HNRNPM: variants seen among roughly 807,000 people sequenced by gnomAD.
HNRNPM encodes the protein CEA receptor.
HNRNPM carries 11 observed loss-of-function variants against 73.1 expected under a neutral mutation model. The ratio of observed to expected loss-of-function variants is 0.15; its 90% CI spans 0.09 to 0.25. HNRNPM has a LOEUF of 0.25. Among genes scored for constraint, HNRNPM ranks in the 10% least tolerant of loss-of-function variants. HNRNPM has a pLI of 1.00. For synonymous variants in HNRNPM, 407 were observed against 355.2 expected (o/e 1.15, Z -1.64); for missense variants, 789 against 1,067.9 (o/e 0.74, Z 3.64).
At chr19:8,486,595 C>G (rs1047083818) in intron 14 of HNRNPM, among the ~76,000 whole-genome samples, 190 bp downstream of exon 14, 2 of 152,186 alleles carry the variant, frequency 1.3e-5, no homozygotes, top group Non-Finnish European at 2.9e-5. Flanking sequence ...AGAGCCTGGG[C>G]TTCTCCACTG....
rs1969469510 is a variant in HNRNPM, at chr19:8,462,441, A to G, written c.284-88A>G. The G allele has an allele frequency of 8.9e-7, 1 of 1,122,286 alleles. No individual in the cohort carries two copies. The highest frequency in any genetic ancestry group is 1.4e-6 in the Non-Finnish European group (1 of 732,010). 69.5% of individuals were successfully genotyped at this position (1,122,286 alleles called of 1,614,324 possible). On this transcript the variant is annotated intron_variant, in intron 2 of 15. Coordinates refer to ENST00000325495, the MANE Select transcript of HNRNPM (RefSeq NM_005968.5). This position sits in a 1 kb window ranked among gnomAD's most constrained non-coding sequence, Gnocchi z 4.5. ...CTTTCTTATAAGGCAGAGGCTCCAT[A>G]CAAGGTTGCTGATGATTGTTCTAAA...
At chr19:8,475,339 C>CT (rs1970425236) in intron 12 of HNRNPM, among the ~76,000 whole-genome samples, 1 of 152,254 alleles carries the variant, frequency 6.6e-6, no homozygotes, top group Non-Finnish European at 1.5e-5. Flanking sequence ...TTTTGAAATC[C>CT]TTTATGTGTT....
chr19:8,467,645 AAG>A (rs1255709491), intron 8 of HNRNPM, 61 bp downstream of exon 8: 23 of 1,172,090 alleles, frequency 2.0e-5, no homozygotes, highest in Non-Finnish European at 2.8e-5. Context: ...TGGAATTAAT[AAG>A]AGTGTACATA....
chr19:8,473,239 T>C lies in HNRNPM; in HGVS notation c.998-425T>C, dbSNP rs116886799. Among the ~76,000 whole-genome samples, 1,144 of 151,974 alleles carry C rather than the reference T, an allele frequency of 7.5e-3. 100 individuals carry two copies. In the East Asian group the frequency reaches 0.2, roughly 26 times the overall value. The stretch of plus-strand genomic sequence containing the variant: ...GCCCCAGTGACAGAAGGAGACCCTG[T>C]CTCAAAAACAAAAAAAACACAAAAA... On this transcript the variant is annotated intron_variant, in intron 10 of 15. Coordinates refer to ENST00000325495, the MANE Select transcript of HNRNPM (RefSeq NM_005968.5).
chr19:8,463,066 G>A (rs1189727469), intron 3 of HNRNPM, among the ~76,000 whole-genome samples: 1 of 152,144 alleles, frequency 6.6e-6, no homozygotes, highest in Non-Finnish European at 1.5e-5. Flanking sequence ...AGTTTAAAGA[G>A]AACATAAACT....
In HNRNPM at chr19:8,466,890, A is replaced by T. The variant is rs536369278; in HGVS notation, c.784+502A>T. 1.5e-3 allele frequency among the ~76,000 whole-genome samples: 222 copies of T among 147,456 alleles called. 2 individuals carry two copies. Among genetic ancestry groups the T allele is most frequent in the Middle Eastern group, 0.011 (3 of 282 alleles). On this transcript the variant is annotated intron_variant, in intron 7 of 15. Coordinates refer to ENST00000325495, the MANE Select transcript of HNRNPM (RefSeq NM_005968.5). ...GTGGAATTGATTCAATACAGTGTGG[A>T]TAGAGGGGATGGTTACAACATGGGC...
intron 5 of HNRNPM, among the ~76,000 whole-genome samples, chr19:8,464,748 A>T (rs1568274700): frequency 6.6e-6 from 1 of 152,150 alleles, no homozygotes; most frequent in Non-Finnish European, 1.5e-5. Flanking sequence ...TGTCTTTTTT[A>T]GTGCTGATGG....
Position 8,448,582 on chromosome 19 carries a change from A to G in HNRNPM, c.113+3471A>G, listed in dbSNP as rs865893345. Among the ~76,000 whole-genome samples, 7 of 150,276 alleles carry G rather than the reference A, an allele frequency of 4.7e-5. No individual in the cohort carries two copies. In the Middle Eastern group the frequency reaches 0.01, roughly 225 times the overall value. ...GTGAACCGCTTCCCGGGTTCACGCC[A>G]TTCTCCTGCCTCAGCCTCACGAGTA... is the stretch of plus-strand genomic sequence containing the variant. On this transcript the variant is annotated intron_variant, in intron 1 of 15. Transcript: ENST00000325495.
chr19:8,448,296 G>A (rs1288786182), intron 1 of HNRNPM, among the ~76,000 whole-genome samples: 1 of 152,098 alleles, frequency 6.6e-6, no homozygotes, highest in Admixed American at 6.5e-5. Flanking sequence ...TGTGAGAATA[G>A]GATTTGCTTA....
chr19:8,462,019 C>T lies in HNRNPM; in HGVS notation c.284-510C>T, dbSNP rs182343756. The T allele has an allele frequency of 6.8e-4, 106 of 155,512 alleles. No individual in the cohort carries two copies. Among genetic ancestry groups the T allele is most frequent in the Non-Finnish European group, 3.7e-4 (26 of 69,740 alleles). The allele number at this position is 155,512 out of a possible 1,614,324, so 9.6% of individuals were successfully genotyped here. A position where few individuals can be genotyped will look rare whatever the true frequency, so the allele number is the denominator to read the frequency against. On this transcript the variant is annotated intron_variant, in intron 2 of 15. Coordinates refer to ENST00000325495, the MANE Select transcript of HNRNPM (RefSeq NM_005968.5). This position sits in a 1 kb window ranked among gnomAD's most constrained non-coding sequence, Gnocchi z 4.5. ...GAGTGCGGGGCTCTGTACAATTGCACGAGTTGCTCACCTGTGAAGCTGGCC... is the reference window on the plus strand; with the variant it reads ...GAGTGCGGGGCTCTGTACAATTGCATGAGTTGCTCACCTGTGAAGCTGGCC...
intron 10 of HNRNPM, 81 bp downstream of exon 10, chr19:8,471,508 T>A: frequency 1.5e-6 from 1 of 658,812 alleles, no homozygotes; most frequent in Non-Finnish European, 2.5e-6. Context: ...CTTTGAGTAG[T>A]TTAAATGGAA....
chr19:8,473,550 C>CA (rs1970304166), intron 10 of HNRNPM, 114 bp from the exon 11 acceptor site: 1 of 693,654 alleles, frequency 1.4e-6, no homozygotes, highest in East Asian at 2.7e-5. Flanking sequence ...ATATACTTGT[C>CA]ATCAGGGATT....
At position 8,462,539 on chromosome 19, in the gene HNRNPM, A is replaced by C. The variant is rs1222915439; in HGVS notation, c.294A>C (p.Val98=). 1 of 1,613,834 alleles carries C rather than the reference A, an allele frequency of 6.2e-7. No individual in the cohort carries two copies. Residue 98 remains valine, a synonymous_variant, in exon 3 of 16, where the codon GTA becomes GTC. Transcript: ENST00000325495. The surrounding 1 kb of genome is among the most constrained non-coding windows in gnomAD (Gnocchi z 4.5). ...KDLVKEKVGE[V]TYVELLMDAE... ...GAAACTGATTTGTAGTTGGTGAGGT[A>C]ACATACGTGGAGCTCTTAATGGACG...
At chr19:8,475,376 T>C (rs7507621) in intron 12 of HNRNPM, among the ~76,000 whole-genome samples, 132,740 of 152,318 alleles carry the variant, frequency 0.87, 59,986 homozygotes, top group South Asian at 0.99. Flanking sequence ...TCCCCTTCAC[T>C]GCAGGAAAGC....
At chr19:8,478,802 T>C (rs886796599) in intron 12 of HNRNPM, among the ~76,000 whole-genome samples, 2 of 152,116 alleles carry the variant, frequency 1.3e-5, no homozygotes, top group Non-Finnish European at 2.9e-5. Context: ...GAGTGTTTCA[T>C]GGCCCTCTGG....
intron 12 of HNRNPM, among the ~76,000 whole-genome samples, chr19:8,477,105 T>TC (rs889664990): frequency 1.4e-4 from 22 of 152,168 alleles, no homozygotes; most frequent in African/African-American, 5.3e-4. Context: ...TGCAAGGTGT[T>TC]CATTACATCG....
chr19:8,478,711 A>T (rs1361216994), intron 12 of HNRNPM, among the ~76,000 whole-genome samples: 1 of 152,206 alleles, frequency 6.6e-6, no homozygotes, highest in Non-Finnish European at 1.5e-5. Flanking sequence ...ATGGCTTTTT[A>T]AAAAATTGGC....
chr19:8,470,359 G>A (rs1045423131), intron 9 of HNRNPM, among the ~76,000 whole-genome samples: 7 of 151,862 alleles, frequency 4.6e-5, no homozygotes, highest in East Asian at 3.9e-4. Context: ...ATGGAGTCTC[G>A]CTCTGTCGCC....
rs1445064839 is a variant in HNRNPM at position 8,485,705 on chromosome 19, G to C, written c.1277G>C (p.Gly426Ala). Residue 426 changes from glycine to alanine, a missense_variant, in exon 14 of 16, where the codon GGC (glycine) becomes GCC (alanine). By Grantham distance (60) the Gly-to-Ala change is moderately conservative. Around this residue, in one of 4 missense-constraint regions of HNRNPM, gnomAD observed 604 missense variants for 744.0 expected, o/e 0.81. Coordinates refer to ENST00000325495, the MANE Select transcript of HNRNPM (RefSeq NM_005968.5). ...MERMGAGLGH[G>A]MDRVGSEIER... ...CGCATGGGCGCGGGCCTGGGCCACGGCATGGATCGCGTGGGCTCCGAGATC... is the reference window on the plus strand; with the variant it reads ...CGCATGGGCGCGGGCCTGGGCCACGCCATGGATCGCGTGGGCTCCGAGATC... The C allele has an allele frequency of 6.2e-7, 1 of 1,606,948 alleles. No individual in the cohort carries two copies.
Sources: allele counts gnomAD v4.1 joint callset (sites outside exome capture counted in the v4.1 genomes callset), GRCh38; gene constraint gnomAD v4.1.1; regional missense constraint gnomAD v4.1.1; non-coding constraint Gnocchi (gnomAD v3.1); transcripts MANE v1.5; gene names NCBI Gene and HGNC (gene_info 2026-07-23, HGNC 2026-07-21).